The following B3GALT1 variants were observed in gnomAD, a reference collection of about 807,000 sequenced individuals.
B3GALT1 encodes the protein beta-1,3-galactosyltransferase 1.
Under a neutral mutation model 23.2 loss-of-function variants are expected in B3GALT1, and 10 were observed. The ratio of observed to expected loss-of-function variants is 0.43; its 90% CI spans 0.27 to 0.73. The LOEUF (loss-of-function observed/expected upper bound fraction) is 0.73. Ranked by LOEUF, B3GALT1 falls within the 30% of genes least tolerant of loss-of-function variation. The pLI is 0.21. For missense variants in B3GALT1, 299 were observed against 405.4 expected (o/e 0.74, Z 2.25); for synonymous variants, 156 against 141.5 (o/e 1.10, Z -0.73).
At chr2:167,461,202 A>G (rs1247008178) in intron 1 of B3GALT1, among the ~76,000 whole-genome samples, 2 of 152,220 alleles carry the variant, frequency 1.3e-5, no homozygotes, top group African/African-American at 2.4e-5. Context: ...CCCACAAGCC[A>G]TGTACCAATT....
rs866061526 is a variant in B3GALT1, at chr2:167,825,459, T to C, written c.-230+6666T>C. Among the ~76,000 whole-genome samples the C allele has an allele frequency of 2.1e-3, 306 of 145,446 alleles. 2 individuals carry two copies. Among genetic ancestry groups the C allele is most frequent in the African/African-American group, 7.4e-3 (287 of 38,714 alleles). ...AGGGGTGTGTGTGTGTGTGTGTGCG[T>C]GCACGTGTGTGTGTGTGTTATATAT... On this transcript the variant is annotated intron_variant, in intron 4 of 4. Transcript: ENST00000392690.
chr2:167,678,018 G>A (rs370492651), intron 3 of B3GALT1, among the ~76,000 whole-genome samples: 12 of 152,208 alleles, frequency 7.9e-5, no homozygotes, highest in East Asian at 7.7e-4. Context: ...CCCCCAACAC[G>A]TGCGGATTAT....
At chr2:167,359,201 A>G (rs1160529851) in intron 1 of B3GALT1, among the ~76,000 whole-genome samples, 1 of 152,228 alleles carries the variant, frequency 6.6e-6, no homozygotes, top group Non-Finnish European at 1.5e-5. Flanking sequence ...TTAAAAAAAA[A>G]GCTCAAAAAT....
chr2:167,830,923 C>T (rs188326398), intron 4 of B3GALT1, among the ~76,000 whole-genome samples: 1 of 152,346 alleles, frequency 6.6e-6, no homozygotes, highest in African/African-American at 2.4e-5. Flanking sequence ...CGCCACTGCA[C>T]ACCAGTTGTA....
intron 3 of B3GALT1, among the ~76,000 whole-genome samples, chr2:167,669,221 T>C (rs550700244): frequency 6.6e-6 from 1 of 152,200 alleles, no homozygotes; most frequent in African/African-American, 2.4e-5. Context: ...TAAGGGCTAT[T>C]GATGTATACT....
chr2:167,514,643 TA>T (rs1290685394), intron 2 of B3GALT1, among the ~76,000 whole-genome samples: 1 of 152,192 alleles, frequency 6.6e-6, no homozygotes, highest in Non-Finnish European at 1.5e-5. Context: ...TACTAAAGTT[TA>T]ATACAGTTTT....
At chr2:167,601,492 G>A (rs763468283) in intron 2 of B3GALT1, among the ~76,000 whole-genome samples, 17 of 152,098 alleles carry the variant, frequency 1.1e-4, no homozygotes, top group African/African-American at 2.4e-4. Flanking sequence ...AGCCCAAAAC[G>A]CTCTAATATC....
chr2:167,481,026 A>T (rs541427845), intron 1 of B3GALT1, among the ~76,000 whole-genome samples: 1 of 152,196 alleles, frequency 6.6e-6, no homozygotes, highest in African/African-American at 2.4e-5. Flanking sequence ...ATTTAAATCC[A>T]AGCTTTTGGA....
intron 3 of B3GALT1, among the ~76,000 whole-genome samples, chr2:167,671,281 G>T (rs763296178): frequency 5.3e-5 from 8 of 152,076 alleles, no homozygotes; most frequent in Non-Finnish European, 1.0e-4. Flanking sequence ...TAAGGAAACA[G>T]TGGGAGGAAT....
intron 2 of B3GALT1, among the ~76,000 whole-genome samples, chr2:167,640,316 A>C (rs1558933665): frequency 6.6e-6 from 1 of 152,046 alleles, no homozygotes; most frequent in African/African-American, 2.4e-5. Flanking sequence ...CCTCAGAGCC[A>C]CCCCCATGCA....
At chr2:167,659,757 A>G (rs970326784) in intron 3 of B3GALT1, among the ~76,000 whole-genome samples, 1 of 151,998 alleles carries the variant, frequency 6.6e-6, no homozygotes, top group Non-Finnish European at 1.5e-5. Flanking sequence ...GGAGACACTA[A>G]TGTAGCTGAT....
chr2:167,668,816 G>A (rs531102823), intron 3 of B3GALT1, among the ~76,000 whole-genome samples: 2 of 152,198 alleles, frequency 1.3e-5, no homozygotes, highest in Admixed American at 6.5e-5. Flanking sequence ...CTCGCGCACG[G>A]TGCGTGCACC....
chr2:167,842,544 T>G (rs1050163220), intron 4 of B3GALT1, among the ~76,000 whole-genome samples: 10 of 152,312 alleles, frequency 6.6e-5, no homozygotes, highest in African/African-American at 2.2e-4. Context: ...AATATTTAAC[T>G]GTATGTATAA....
At chr2:167,572,494 A>C (rs1574146433) in intron 2 of B3GALT1, among the ~76,000 whole-genome samples, 1 of 151,864 alleles carries the variant, frequency 6.6e-6, no homozygotes, top group African/African-American at 2.4e-5. Flanking sequence ...CCAGTACATT[A>C]AATTTGCCAC....
intron 1 of B3GALT1, among the ~76,000 whole-genome samples, chr2:167,338,599 G>A (rs994329587): frequency 6.6e-5 from 10 of 151,916 alleles, no homozygotes; most frequent in Admixed American, 3.3e-4. Context: ...AAGAAAATTC[G>A]ATACCTTTTT....
rs147936561 is a variant in B3GALT1 at position 167,550,103 on chromosome 2, CAGTT to C, written c.-410+59827_-410+59830del. Among the ~76,000 whole-genome samples the C allele has an allele frequency of 2.8e-3, 428 of 152,282 alleles. 13 individuals are homozygous for C. The East Asian group carries it at 0.062, about 22-fold the overall frequency. ...ATCACTAACTCTACGTTAACCGTAA[CAGTT>C]GGTTCTAATCTCAAAAGTCAACATC... On this transcript the variant is annotated intron_variant, in intron 2 of 4. Transcript: ENST00000392690.
chr2:167,734,267 T>G (rs1282176769), intron 3 of B3GALT1, among the ~76,000 whole-genome samples: 2 of 152,136 alleles, frequency 1.3e-5, no homozygotes, highest in African/African-American at 2.4e-5. Flanking sequence ...TATATTGGTC[T>G]AGTCACTATT....
intron 3 of B3GALT1, among the ~76,000 whole-genome samples, chr2:167,682,857 G>A (rs940568718): frequency 2.6e-5 from 4 of 152,210 alleles, no homozygotes; most frequent in African/African-American, 9.6e-5. Context: ...GAAATAATAT[G>A]TATACTCAAA....
intron 3 of B3GALT1, among the ~76,000 whole-genome samples, chr2:167,760,567 A>G (rs1229826386): frequency 6.6e-6 from 1 of 152,214 alleles, no homozygotes; most frequent in South Asian, 2.1e-4. Flanking sequence ...ATCAGGCCCA[A>G]CAACATCACA....
Sources: allele counts gnomAD v4.1 joint callset (sites outside exome capture counted in the v4.1 genomes callset), GRCh38; gene constraint gnomAD v4.1.1; transcripts MANE v1.5; gene names NCBI Gene and HGNC (gene_info 2026-07-23, HGNC 2026-07-21).